The following ESRRG variants were observed in gnomAD, a reference collection of about 807,000 sequenced individuals.
ESRRG encodes estrogen related receptor gamma, also known as estrogen-related receptor gamma.
In ESRRG, 13 loss-of-function variants were observed where a neutral mutation model predicts 44.0. The ratio of observed to expected loss-of-function variants is 0.30; its 90% CI spans 0.19 to 0.47. ESRRG has a LOEUF of 0.47. ESRRG is among the 20% of genes least tolerant of loss of function. ESRRG has a pLI of 1.00. For missense variants in ESRRG, 395 were observed against 580.6 expected, an observed-to-expected ratio of 0.68 and a Z score of 3.29; for synonymous variants, 215 against 214.6, an observed-to-expected ratio of 1.00 and a Z score of -0.02.
At chr1:216,547,538 A>G (rs1296765072) in intron 5 of ESRRG, among the ~76,000 whole-genome samples, 1 of 152,094 alleles carries the variant, frequency 6.6e-6, no homozygotes, top group East Asian at 1.9e-4. Flanking sequence ...ATGGGGCTGC[A>G]CATACACGTC....
chr1:216,624,917 C>T (rs182785484), intron 3 of ESRRG, among the ~76,000 whole-genome samples: 389 of 152,214 alleles, frequency 2.6e-3, no homozygotes, highest in Non-Finnish European at 3.0e-3. Flanking sequence ...CTCTCAATTT[C>T]CTCAATTCTG....
At chr1:216,799,298 AT>A (rs11572613) in intron 2 of ESRRG, among the ~76,000 whole-genome samples, 10,177 of 152,128 alleles carry the variant, frequency 0.067, 399 homozygotes, top group Middle Eastern at 0.092. Context: ...TTGGTCTACT[AT>A]TTCTGTTGGT....
intron 1 of ESRRG, among the ~76,000 whole-genome samples, chr1:216,719,543 C>A (rs1418090828): frequency 6.6e-6 from 1 of 151,582 alleles, no homozygotes. Context: ...TTAAAAAGAA[C>A]AACAACAAAA....
intron 1 of ESRRG, among the ~76,000 whole-genome samples, chr1:216,679,707 T>TC (rs1181799218): frequency 1.3e-5 from 2 of 151,664 alleles, no homozygotes; most frequent in African/African-American, 4.9e-5. Context: ...AAATTTTTTT[T>TC]CCCTCTCTCT....
intron 1 of ESRRG, among the ~76,000 whole-genome samples, chr1:217,096,475 A>G (rs1005829821): frequency 6.6e-6 from 1 of 152,128 alleles, no homozygotes; most frequent in Admixed American, 6.5e-5. Context: ...TGCTTTTGCG[A>G]CCCTGGGCAA....
chr1:216,779,114 AT>A (rs1559601108), intron 2 of ESRRG, among the ~76,000 whole-genome samples: 3 of 125,670 alleles, frequency 2.4e-5, no homozygotes, highest in Non-Finnish European at 4.8e-5. Flanking sequence ...ATATATATAT[AT>A]ATAATTATAT....
chr1:216,715,972 A>C (rs2152017957), intron 1 of ESRRG, among the ~76,000 whole-genome samples: 1 of 152,154 alleles, frequency 6.6e-6, no homozygotes, highest in African/African-American at 2.4e-5. Flanking sequence ...TCTGTACATA[A>C]GTTCTTAATT....
chr1:216,523,499 T>TA (rs1558251465), intron 5 of ESRRG, among the ~76,000 whole-genome samples: 1 of 82,212 alleles, frequency 1.2e-5, no homozygotes, highest in Non-Finnish European at 3.1e-5. Context: ...TGTTTTTTTT[T>TA]TTGTTTTTTT....
chr1:217,017,498 A>AAAAAG (rs2079594006), intron 1 of ESRRG, among the ~76,000 whole-genome samples: 1 of 149,750 alleles, frequency 6.7e-6, no homozygotes, highest in African/African-American at 2.5e-5. Context: ...AAAAAAAAAA[A>AAAAAG]GGAGAAAACC....
At chr1:216,674,802 G>T (rs965129175) in intron 2 of ESRRG, among the ~76,000 whole-genome samples, 4 of 151,784 alleles carry the variant, frequency 2.6e-5, no homozygotes, top group Admixed American at 6.6e-5. Flanking sequence ...TAGAGACAGG[G>T]TTCTCACTTT....
chr1:216,687,890 A>T (rs915107620), intron 1 of ESRRG, among the ~76,000 whole-genome samples: 3 of 152,274 alleles, frequency 2.0e-5, no homozygotes, highest in South Asian at 4.1e-4. Flanking sequence ...ATTTAAAAAA[A>T]TTTTTCTGAT....
At chr1:216,594,503 C>G (rs1450735543) in intron 3 of ESRRG, among the ~76,000 whole-genome samples, 1 of 152,158 alleles carries the variant, frequency 6.6e-6, no homozygotes, top group Non-Finnish European at 1.5e-5. Context: ...AAACTGTCTT[C>G]TATCAACCCT....
At chr1:216,723,971 T>G (rs1198909693), upstream of ESRRG, among the ~76,000 whole-genome samples, 1 of 152,168 alleles carries the variant, frequency 6.6e-6, no homozygotes, top group Non-Finnish European at 1.5e-5. Flanking sequence ...GGTGCTGTAC[T>G]TTCTCATGTA....
chr1:216,963,179 A>AG (rs2069477408), intron 1 of ESRRG, among the ~76,000 whole-genome samples: 1 of 152,202 alleles, frequency 6.6e-6, no homozygotes, highest in African/African-American at 2.4e-5. Flanking sequence ...TTATTAAAAC[A>AG]GATTATCCCT....
At chr1:217,002,024 G>A (rs1470501088) in intron 1 of ESRRG, among the ~76,000 whole-genome samples, 5 of 151,782 alleles carry the variant, frequency 3.3e-5, no homozygotes, top group Non-Finnish European at 7.4e-5. Context: ...AGGAGCACCC[G>A]GGCATGATGG....
intron 1 of ESRRG, among the ~76,000 whole-genome samples, chr1:217,082,041 A>G (rs1580486129): frequency 6.6e-6 from 1 of 152,360 alleles, no homozygotes; most frequent in East Asian, 1.9e-4. Context: ...GGCACTGCAT[A>G]CGTGAGAATT....
chr1:216,706,265 G>GGGGGGCTGGATAA (rs1186602534), intron 1 of ESRRG, among the ~76,000 whole-genome samples: 1 of 151,946 alleles, frequency 6.6e-6, no homozygotes, highest in Non-Finnish European at 1.5e-5. Context: ...TGGCGGGGGT[G>GGGGGGCTGGATAA]GGGGGCTGGA....
intron 2 of ESRRG, among the ~76,000 whole-genome samples, chr1:216,774,957 A>G (rs2093544551): frequency 6.6e-6 from 1 of 150,944 alleles, no homozygotes; most frequent in African/African-American, 2.4e-5. Flanking sequence ...GCACACCAAC[A>G]TGCTCGGCTA....
At chr1:216,640,505 GAGAGAGAGAGAGAA>G (rs1296384361) in intron 3 of ESRRG, among the ~76,000 whole-genome samples, 1 of 151,980 alleles carries the variant, frequency 6.6e-6, no homozygotes, top group Non-Finnish European at 1.5e-5. Flanking sequence ...GAGAGAGAGA[GAGAGAGAGAGAGAA>G]AGCGAGAGAG....
Sources: allele counts gnomAD v4.1 joint callset (sites outside exome capture counted in the v4.1 genomes callset), GRCh38; gene constraint gnomAD v4.1.1; transcripts MANE v1.5; gene names NCBI Gene and HGNC (gene_info 2026-07-23, HGNC 2026-07-21).